The following UGT1A9 variants were observed in gnomAD, a reference collection of about 807,000 sequenced individuals.
The protein encoded by UGT1A9 is UDP-glucuronosyltransferase 1A9.
A neutral mutation model predicts 45.0 loss-of-function variants in UGT1A9; 35 were observed. The ratio of observed to expected loss-of-function variants is 0.78; its 90% CI spans 0.59 to 1.03. UGT1A9 has a LOEUF of 1.03. Among genes scored for constraint, UGT1A9 ranks in the 50% least tolerant of loss-of-function variants. The pLI, the probability that UGT1A9 is intolerant of heterozygous loss-of-function variation, is 0.00. For missense variants in UGT1A9, 687 were observed against 666.6 expected (o/e 1.03, Z -0.34); for synonymous variants, 278 against 250.6 (o/e 1.11, Z -1.03).
At chr2:233,712,692 T>A (rs1221158170) in intron 1 of UGT1A9, among the ~76,000 whole-genome samples, 1 of 152,126 alleles carries the variant, frequency 6.6e-6, no homozygotes, top group Non-Finnish European at 1.5e-5. Context: ...AAATGGGGGT[T>A]CACAGCCTTG....
At chr2:233,700,848 A>T (rs1341869131) in intron 1 of UGT1A9, among the ~76,000 whole-genome samples, 2 of 151,952 alleles carry the variant, frequency 1.3e-5, no homozygotes, top group Non-Finnish European at 2.9e-5. Flanking sequence ...CATTAGGTAT[A>T]TCTCCTAATG....
chr2:233,771,572 T>G (rs1700331696), intron 4 of UGT1A9: 1 of 152,318 alleles, frequency 6.6e-6, no homozygotes, highest in Admixed American at 6.5e-5. Context: ...CAGAGGTGGT[T>G]GTTTACAACT....
chr2:233,684,782 C>G (rs2074700851), intron 1 of UGT1A9, among the ~76,000 whole-genome samples: 1 of 152,080 alleles, frequency 6.6e-6, no homozygotes, highest in Non-Finnish European at 1.5e-5. Flanking sequence ...TGCCCTTTGG[C>G]AAAGAGCCCT....
rs2075120716 is a variant in UGT1A9 at position 233,692,935 on chromosome 2, A to G, written c.855+20146A>G. 4 of 1,587,686 alleles carry G rather than the reference A, an allele frequency of 2.5e-6. No homozygotes were observed. The South Asian group carries it at 4.8e-5, about 19-fold the overall frequency. On this transcript the variant is annotated intron_variant, in intron 1 of 4. Transcript: ENST00000354728. ...AAAAGCAGTGGTTAGTTTAGGGAAA[A>G]TACCTAGGAGCCCTGTGATTTGGAG...
chr2:233,760,558 T>G, intron 1 of UGT1A9: 1 of 1,614,006 alleles, frequency 6.2e-7, no homozygotes, highest in Non-Finnish European at 8.5e-7. Context: ...TGTGAAAGAG[T>G]CTTTTGTTAG....
In UGT1A9 at chr2:233,772,937, T is replaced by C; in HGVS notation, c.*378T>C. 1 of 341,386 alleles carries C rather than the reference T, an allele frequency of 2.9e-6. No homozygotes were observed. The highest frequency in any genetic ancestry group is 5.4e-6 in the Non-Finnish European group (1 of 186,324). 21.1% of individuals were successfully genotyped at this position (341,386 alleles called of 1,614,324 possible). A position where few individuals can be genotyped will look rare whatever the true frequency, so the allele number is the denominator to read the frequency against. ...CAAATGGCAGTTTTAATCTTATCTT[T>C]TGGCTTCTGCAGATGGTTGCAATTG... On this transcript the variant is annotated 3_prime_UTR_variant, in exon 5 of 5. Coordinates refer to ENST00000354728, the MANE Select transcript of UGT1A9 (RefSeq NM_021027.3).
At chr2:233,692,312 A>G (rs2075089951) in intron 1 of UGT1A9, 1 of 153,442 alleles carries the variant, frequency 6.5e-6, no homozygotes, top group Non-Finnish European at 1.5e-5. Context: ...TATCCTTTGT[A>G]ATAAACCAAA....
intron 1 of UGT1A9, chr2:233,721,896 G>A (rs1237120239): frequency 1.5e-5 from 7 of 474,202 alleles, no homozygotes; most frequent in South Asian, 3.1e-5. Context: ...TTGCAATATC[G>A]AAATGGTGCA....
chr2:233,702,376 T>C (rs574692648), intron 1 of UGT1A9, among the ~76,000 whole-genome samples: 5 of 152,300 alleles, frequency 3.3e-5, no homozygotes, highest in African/African-American at 1.2e-4. Flanking sequence ...TTCGTAGGAT[T>C]TTCTACATTC....
chr2:233,675,527 C>T (rs1209769655), intron 1 of UGT1A9, among the ~76,000 whole-genome samples: 1 of 152,076 alleles, frequency 6.6e-6, no homozygotes, highest in African/African-American at 2.4e-5. Context: ...TCTGTGCTTC[C>T]CCCCTTGCTG....
chr2:233,756,811 T>C (rs1696332579), intron 1 of UGT1A9, among the ~76,000 whole-genome samples: 1 of 152,156 alleles, frequency 6.6e-6, no homozygotes. Context: ...TAAAGGTCAC[T>C]CAATTCCAAG....
chr2:233,747,003 G>A (rs1452133223), intron 1 of UGT1A9, among the ~76,000 whole-genome samples: 4 of 151,906 alleles, frequency 2.6e-5, no homozygotes, highest in African/African-American at 4.9e-5. Flanking sequence ...AGTTTTTCAA[G>A]TAGGAGTGAT....
intron 1 of UGT1A9, chr2:233,690,829 A>C: frequency 9.4e-7 from 1 of 1,068,596 alleles, no homozygotes; most frequent in Non-Finnish European, 1.1e-6. Context: ...AGCTCACAGG[A>C]GAAAGAAAAA....
rs1697459307 is a variant in UGT1A9, at chr2:233,760,471, C to T, written c.856-6563C>T. The T allele has an allele frequency of 7.4e-6, 12 of 1,614,210 alleles. No individual in the cohort carries two copies. The highest frequency in any genetic ancestry group is 1.0e-5 in the Non-Finnish European group (12 of 1,180,040). ...GGGACATGAAATAGTTGTCCTAGCA[C>T]CTGACGCCTCGTTGTACATCAGAGA... On this transcript the variant is annotated intron_variant, in intron 1 of 4. Coordinates refer to ENST00000354728, the MANE Select transcript of UGT1A9 (RefSeq NM_021027.3).
chr2:233,706,787 C>A (rs2075924300), intron 1 of UGT1A9, among the ~76,000 whole-genome samples: 2 of 152,154 alleles, frequency 1.3e-5, no homozygotes, highest in South Asian at 4.1e-4. Context: ...GAGAGAAATA[C>A]CATGCACCAA....
chr2:233,745,955 G>T (rs1353220886), intron 1 of UGT1A9, among the ~76,000 whole-genome samples: 1 of 151,634 alleles, frequency 6.6e-6, no homozygotes, highest in Non-Finnish European at 1.5e-5. Flanking sequence ...GGCAACTGGG[G>T]GACAGGGGCC....
chr2:233,713,340 A>C (rs28946884), intron 1 of UGT1A9: 2 of 1,614,260 alleles, frequency 1.2e-6, no homozygotes, highest in Non-Finnish European at 1.7e-6. Context: ...AATGGCAATT[A>C]TGAACAATAT....
At chr2:233,736,562 G>T (rs1300440200) in intron 1 of UGT1A9, among the ~76,000 whole-genome samples, 1 of 152,158 alleles carries the variant, frequency 6.6e-6, no homozygotes, top group Non-Finnish European at 1.5e-5. Context: ...TGCTAGCAAG[G>T]AGCTGTGATC....
Position 233,760,623 on chromosome 2 carries a change from A to G in UGT1A9, c.856-6411A>G, listed in dbSNP as rs181505697. ...CTTTCCTGCAGCGTGTGATCAAAAC[A>G]TACAAGAAAATAAAAAAGGACTCTG... On this transcript the variant is annotated intron_variant, in intron 1 of 4. Transcript: ENST00000354728. 5 of 1,614,198 alleles carry G rather than the reference A, an allele frequency of 3.1e-6. No homozygotes were observed. In the African/African-American group the frequency reaches 6.7e-5, roughly 22 times the overall value.
Sources: allele counts gnomAD v4.1 joint callset (sites outside exome capture counted in the v4.1 genomes callset), GRCh38; gene constraint gnomAD v4.1.1; transcripts MANE v1.5; gene names NCBI Gene and HGNC (gene_info 2026-07-23, HGNC 2026-07-21).